The following KLK3 variants were observed in gnomAD, a reference collection of about 807,000 sequenced individuals.
The protein encoded by KLK3 is kallikrein related peptidase 3.
A neutral mutation model predicts 27.7 loss-of-function variants in KLK3; 23 were observed. The ratio of observed to expected loss-of-function variants is 0.83; its 90% CI spans 0.60 to 1.17. KLK3 has a LOEUF of 1.17. KLK3 is among the 50% of genes most tolerant of loss of function. The pLI, the probability that KLK3 is intolerant of heterozygous loss-of-function variation, is 0.00. For missense variants in KLK3, 322 were observed against 338.1 expected (o/e 0.95, Z 0.37); for synonymous variants, 142 against 134.2 (o/e 1.06, Z -0.40).
intron 1 of KLK3, chr19:50,855,991 C>A: frequency 6.2e-6 from 3 of 483,498 alleles, no homozygotes; most frequent in Non-Finnish European, 1.1e-5. Flanking sequence ...CTACCCTGAT[C>A]CCTGGGTTCA....
Position 50,858,654 on chromosome 19 carries a change from G to T in KLK3, c.630+59G>T, listed in dbSNP as rs369129680. ...AAAGGTGAGTGGGGACCTTAATTCT[G>T]GGCTGGGGTCTAGAAGCCAACAAGG... On this transcript the variant is annotated intron_variant, in intron 4 of 4. Transcript: ENST00000326003. 3.1e-6 allele frequency: 5 copies of T among 1,600,234 alleles called. No individual in the cohort carries two copies. The African/African-American group carries it at 5.3e-5, about 17-fold the overall frequency.
chr19:50,855,041 C>G, intron 1 of KLK3, 40 bp downstream of exon 1: 1 of 1,600,322 alleles, frequency 6.2e-7, no homozygotes, highest in Non-Finnish European at 8.6e-7. Flanking sequence ...GGAGAGGGAG[C>G]CAGCCCTGAC....
At chr19:50,859,891 C>T (rs532978563) in intron 4 of KLK3, 81 bp from the exon 5 acceptor site, 2 of 1,529,516 alleles carry the variant, frequency 1.3e-6, no homozygotes, top group Non-Finnish European at 1.8e-6. Context: ...TGTTATCTGC[C>T]TGTCCAGGTC....
intron 1 of KLK3, chr19:50,855,905 A>T (rs764459430): frequency 5.1e-6 from 1 of 196,784 alleles, no homozygotes; most frequent in South Asian, 1.4e-4. Context: ...CCCTTCTCCC[A>T]GTCCAAGACC....
intron 1 of KLK3, 144 bp from the exon 2 acceptor site, chr19:50,856,096 C>T: frequency 1.5e-6 from 1 of 675,342 alleles, no homozygotes; most frequent in South Asian, 1.8e-5. Context: ...TTTCCCAGCT[C>T]CCCCTGCCCA....
Position 50,858,147 on chromosome 19 carries a change from C to A in KLK3, c.325C>A (p.Arg109=). The A allele has an allele frequency of 6.2e-7, 1 of 1,614,130 alleles. No individual in the cohort carries two copies. The highest frequency in any genetic ancestry group is 8.5e-7 in the Non-Finnish European group (1 of 1,180,004). Reference sequence around the variant, plus strand: ...CTACGATATGAGCCTCCTGAAGAATCGATTCCTCAGGCCAGGTGATGACTC... The same window carrying A: ...CTACGATATGAGCCTCCTGAAGAATAGATTCCTCAGGCCAGGTGATGACTC... ...PLYDMSLLKN[R]FLRPGDDSSH... Residue 109 remains arginine, a synonymous_variant, in exon 3 of 5, where the codon CGA becomes AGA. Coordinates refer to ENST00000326003, the MANE Select transcript of KLK3 (RefSeq NM_001648.2).
rs1429066980 is a variant in KLK3 at position 50,858,331 on chromosome 19, A to G, written c.493+16A>G. ...CCAGAGGAGTGTACGCCTGGGCCAG[A>G]TGGTGCAGCCGGGAGCCCAGATGCC... On this transcript the variant is annotated intron_variant, in intron 3 of 4. Coordinates refer to ENST00000326003, the MANE Select transcript of KLK3 (RefSeq NM_001648.2). The G allele has an allele frequency of 1.1e-5, 18 of 1,608,864 alleles. No homozygotes were observed. The highest frequency in any genetic ancestry group is 1.5e-5 in the Non-Finnish European group (18 of 1,176,676).
In KLK3 at chr19:50,856,120, C is replaced by T. The variant is rs573239845; in HGVS notation, c.47-120C>T. On this transcript the variant is annotated intron_variant, in intron 1 of 4. Transcript: ENST00000326003. Reference sequence around the variant, plus strand: ...TCCCCCTGCCCATGTCCCAGGACTCCCAGCCTTGGTTCTCTGCCCCCGTGT... The same window carrying T: ...TCCCCCTGCCCATGTCCCAGGACTCTCAGCCTTGGTTCTCTGCCCCCGTGT... 11 of 841,154 alleles carry T rather than the reference C, an allele frequency of 1.3e-5. No homozygotes were observed. In the East Asian group the frequency reaches 2.6e-4, roughly 20 times the overall value. 52.1% of individuals were successfully genotyped at this position (841,154 alleles called of 1,614,324 possible).
At chr19:50,859,196 G>A (rs555851943) in intron 4 of KLK3, among the ~76,000 whole-genome samples, 25 of 152,216 alleles carry the variant, frequency 1.6e-4, no homozygotes, top group African/African-American at 4.8e-4. Context: ...GTGAAGGATC[G>A]GGGCAGGGTG....
chr19:50,856,754 C>A, intron 2 of KLK3: 2 of 232,820 alleles, frequency 8.6e-6, no homozygotes, highest in Non-Finnish European at 1.7e-5. Flanking sequence ...CCTCTCTAGC[C>A]AGTGTGTCTC....
chr19:50,859,095 A>C (rs566400170), intron 4 of KLK3: 1 of 198,134 alleles, frequency 5.0e-6, no homozygotes, highest in East Asian at 1.2e-4. Context: ...GCCCTGCGGC[A>C]CCTGGGGGAG....
At chr19:50,858,985 T>C (rs2090167231) in intron 4 of KLK3, 1 of 347,750 alleles carries the variant, frequency 2.9e-6, no homozygotes, top group Admixed American at 4.3e-5. Context: ...CAGGAGGTGA[T>C]CAGGCTCTCG....
intron 1 of KLK3, chr19:50,855,991 C>T (rs906671264): frequency 4.1e-6 from 2 of 483,498 alleles, no homozygotes; most frequent in Admixed American, 7.3e-5. Flanking sequence ...CTACCCTGAT[C>T]CCTGGGTTCA....
intron 1 of KLK3, 67 bp downstream of exon 1, chr19:50,855,068 T>C (rs1431826691): frequency 1.9e-6 from 3 of 1,557,324 alleles, no homozygotes; most frequent in Non-Finnish European, 2.7e-6. Context: ...GCTGAGGCTC[T>C]TTCCCCCCCA....
Position 50,858,034 on chromosome 19 carries a change from G to A in KLK3, c.212G>A (p.Ser71Asn). 1.2e-6 allele frequency: 2 copies of A among 1,608,092 alleles called. No homozygotes were observed. Among genetic ancestry groups the A allele is most frequent in the Non-Finnish European group, 8.5e-7 (1 of 1,177,634 alleles). The change falls in exon 3 of 5, where the codon AGC (serine) becomes AAC (asparagine). Residue 71 changes from serine to asparagine, a missense_variant. Physicochemically the swap from Ser to Asn is conservative, Grantham distance 46. Transcript: ENST00000326003. ...LTAAHCIRNK[S>N]VILLGRHSLF... ...TGCGTCTGCTTCCTCCCCAGCAAAAGCGTGATCTTGCTGGGTCGGCACAGC... is the reference window on the plus strand; with the variant it reads ...TGCGTCTGCTTCCTCCCCAGCAAAAACGTGATCTTGCTGGGTCGGCACAGC...
intron 4 of KLK3, 53 bp from the exon 5 acceptor site, chr19:50,859,919 C>G (rs1220110985): frequency 9.5e-5 from 148 of 1,557,476 alleles, no homozygotes; most frequent in Non-Finnish European, 1.3e-4. Flanking sequence ...TAGGATTGCC[C>G]AGGCAGAAAC....
At chr19:50,856,646 T>C in intron 2 of KLK3, 1 of 484,392 alleles carries the variant, frequency 2.1e-6, no homozygotes, top group East Asian at 3.7e-5. Context: ...GTAACTGGCT[T>C]CGGTTGTGTC....
chr19:50,859,462 C>T, intron 4 of KLK3: 2 of 1,364,810 alleles, frequency 1.5e-6, no homozygotes, highest in South Asian at 1.2e-5. Flanking sequence ...TGGGCCCTTA[C>T]CCAGCCTCCC....
At chr19:50,857,849 C>G in intron 2 of KLK3, 180 bp from the exon 3 acceptor site, 1 of 617,078 alleles carries the variant, frequency 1.6e-6, no homozygotes, top group South Asian at 2.1e-5. Context: ...GCCCTTCACC[C>G]TCTCACACTG....
Sources: allele counts gnomAD v4.1 joint callset (sites outside exome capture counted in the v4.1 genomes callset), GRCh38; gene constraint gnomAD v4.1.1; transcripts MANE v1.5; gene names NCBI Gene and HGNC (gene_info 2026-07-23, HGNC 2026-07-21).